The following C8orf34 variants were observed in gnomAD, a reference collection of about 807,000 sequenced individuals.
The protein encoded by C8orf34 is uncharacterized protein C8orf34.
A neutral mutation model predicts 68.3 loss-of-function variants in C8orf34; 65 were observed. The observed-to-expected ratio is 0.95, with a 90% CI of 0.78 to 1.17. The LOEUF is 1.17. Among genes scored for constraint, C8orf34 ranks in the 50% most tolerant of loss-of-function variants. The pLI is 0.00. For missense variants in C8orf34, 664 were observed against 655.4 expected (o/e 1.01, Z -0.14); for synonymous variants, 244 against 241.2 (o/e 1.01, Z -0.11).
chr8:68,770,175 T>C (rs2129528331), intron 10 of C8orf34, among the ~76,000 whole-genome samples: 1 of 152,336 alleles, frequency 6.6e-6, no homozygotes, highest in Middle Eastern at 3.4e-3. Flanking sequence ...TTTTTAATAC[T>C]CTTTTTAATT....
intron 3 of C8orf34, chr8:68,446,876 A>T (rs1227670044): frequency 5.8e-6 from 1 of 172,094 alleles, no homozygotes; most frequent in East Asian, 1.6e-4. Flanking sequence ...TTCTTAAAAA[A>T]TATTTCATCT....
chr8:68,527,864 T>C (rs1346052581), intron 6 of C8orf34, among the ~76,000 whole-genome samples: 1 of 152,212 alleles, frequency 6.6e-6, no homozygotes, highest in Non-Finnish European at 1.5e-5. Flanking sequence ...CCTGCATCCC[T>C]GCAGCAGGCA....
At chr8:68,750,644 G>A (rs1265925314) in intron 10 of C8orf34, among the ~76,000 whole-genome samples, 1 of 152,090 alleles carries the variant, frequency 6.6e-6, no homozygotes, top group Non-Finnish European at 1.5e-5. Context: ...AAAAAGCTGT[G>A]TGTGATCCGC....
At chr8:68,619,148 T>C (rs182163880) in intron 7 of C8orf34, among the ~76,000 whole-genome samples, 4 of 152,020 alleles carry the variant, frequency 2.6e-5, no homozygotes, top group East Asian at 1.9e-4. Flanking sequence ...GGCAACATGG[T>C]GAAATCTCAT....
At chr8:68,463,084 C>T (rs1210547090) in intron 3 of C8orf34, among the ~76,000 whole-genome samples, 1 of 151,946 alleles carries the variant, frequency 6.6e-6, no homozygotes, top group African/African-American at 2.4e-5. Flanking sequence ...ATCAAATAGA[C>T]ACAATAAAAA....
At position 68,743,568 on chromosome 8, in the gene C8orf34, C is replaced by T. The variant is rs532262599; in HGVS notation, c.1404+22131C>T. 7.0e-3 allele frequency among the ~76,000 whole-genome samples: 1,066 copies of T among 152,280 alleles called. 6 individuals carry two copies. Among genetic ancestry groups the T allele is most frequent in the Non-Finnish European group, 0.011 (727 of 68,014 alleles). ...AACCAGGGCGAGGCATTGCCTCACT[C>T]GGGAAGCGCAAGGGGTCAGGGAGTT... On this transcript the variant is annotated intron_variant, in intron 10 of 13. Transcript: ENST00000518698.
intron 10 of C8orf34, among the ~76,000 whole-genome samples, chr8:68,764,656 G>T (rs1259857781): frequency 2.0e-5 from 3 of 152,140 alleles, no homozygotes; most frequent in Admixed American, 6.5e-5. Context: ...AATGCCAAAG[G>T]TTGAGGGGAA....
intron 3 of C8orf34, among the ~76,000 whole-genome samples, chr8:68,453,707 A>T (rs1036081587): frequency 2.0e-5 from 3 of 152,046 alleles, no homozygotes; most frequent in Non-Finnish European, 4.4e-5. Flanking sequence ...AGATTATGCC[A>T]TCTGAATATA....
At chr8:68,614,116 G>A (rs546705095) in intron 7 of C8orf34, among the ~76,000 whole-genome samples, 3 of 152,050 alleles carry the variant, frequency 2.0e-5, no homozygotes, top group East Asian at 1.9e-4. Context: ...CATGTCCTTC[G>A]CCCACTTTTT....
intron 1 of C8orf34, among the ~76,000 whole-genome samples, chr8:68,343,705 T>A (rs1371973630): frequency 6.6e-6 from 1 of 152,188 alleles, no homozygotes; most frequent in South Asian, 2.1e-4. Context: ...ACGATCCTTC[T>A]GCCTCAGCCT....
chr8:68,797,909 C>T (rs1158660033), intron 12 of C8orf34, among the ~76,000 whole-genome samples: 3 of 152,066 alleles, frequency 2.0e-5, no homozygotes, highest in Non-Finnish European at 1.5e-5. Flanking sequence ...ATTTAAAGGT[C>T]AGCTAGGGTA....
rs145844993 is a variant in C8orf34 at position 68,657,909 on chromosome 8, C to T, written c.1241+17398C>T. Among the ~76,000 whole-genome samples, 847 of 152,238 alleles carry T rather than the reference C, an allele frequency of 5.6e-3. 12 individuals carry two copies. Among genetic ancestry groups the T allele is most frequent in the African/African-American group, 0.019 (808 of 41,546 alleles). ...AGAAAGCTGAGCAGTTTTCCTGGCT[C>T]GATGGCCTAGTGATTACAAATTTCT... is the stretch of plus-strand genomic sequence containing the variant. On this transcript the variant is annotated intron_variant, in intron 8 of 13. Transcript: ENST00000518698.
At chr8:68,622,600 A>G (rs1370293499) in intron 7 of C8orf34, among the ~76,000 whole-genome samples, 1 of 152,230 alleles carries the variant, frequency 6.6e-6, no homozygotes, top group Admixed American at 6.5e-5. Flanking sequence ...AAGTGAGCAT[A>G]AGAGACAATA....
At chr8:68,589,443 G>A (rs1249889808) in intron 7 of C8orf34, among the ~76,000 whole-genome samples, 3 of 117,734 alleles carry the variant, frequency 2.5e-5, no homozygotes, top group Admixed American at 8.4e-5. Context: ...AGAAGGAAGG[G>A]GGAAAGAATG....
chr8:68,496,014 C>T (rs1428132153), intron 5 of C8orf34, among the ~76,000 whole-genome samples: 3 of 152,140 alleles, frequency 2.0e-5, no homozygotes, highest in Admixed American at 2.0e-4. Flanking sequence ...GGTTTTCCTA[C>T]CACAAGACAT....
At chr8:68,331,993 C>T (rs1805631219) in intron 1 of C8orf34, among the ~76,000 whole-genome samples, 2 of 150,914 alleles carry the variant, frequency 1.3e-5, no homozygotes, top group South Asian at 4.2e-4. Flanking sequence ...CTTTGCACTG[C>T]AGACCCCACA....
intron 7 of C8orf34, among the ~76,000 whole-genome samples, chr8:68,544,879 C>A (rs896910685): frequency 6.6e-6 from 1 of 151,894 alleles, no homozygotes; most frequent in Non-Finnish European, 1.5e-5. Context: ...AAAAATAAAA[C>A]AAGCTTCATT....
chr8:68,338,233 A>G (rs979997024), intron 1 of C8orf34, among the ~76,000 whole-genome samples: 1 of 152,168 alleles, frequency 6.6e-6, no homozygotes, highest in Non-Finnish European at 1.5e-5. Flanking sequence ...TAATCCCATT[A>G]ATGAGGGAGC....
intron 7 of C8orf34, among the ~76,000 whole-genome samples, chr8:68,562,840 GA>G (rs1816474731): frequency 6.6e-6 from 1 of 152,148 alleles, no homozygotes; most frequent in African/African-American, 2.4e-5. Context: ...AATTTAACAT[GA>G]CATGTAAAAT....
Sources: gnomAD v4.1 joint callset for allele counts (sites outside exome capture counted in the v4.1 genomes callset) on GRCh38, gnomAD v4.1.1 for gene constraint, MANE v1.5 for transcripts, NCBI Gene and HGNC (gene_info 2026-07-23, HGNC 2026-07-21) for gene names.